Variants in CCDC60 observed in about 807,000 individuals in gnomAD.
The protein encoded by CCDC60 is coiled-coil domain-containing protein 60.
In CCDC60, 54 loss-of-function variants were observed where a neutral mutation model predicts 63.5. The observed-to-expected ratio is 0.85, with a 90% CI of 0.68 to 1.07. CCDC60 has a LOEUF of 1.07. Ranked by LOEUF, CCDC60 falls within the 50% of genes least tolerant of loss-of-function variation. CCDC60 has a pLI of 0.00. For synonymous variants in CCDC60, 206 were observed against 238.8 expected, an observed-to-expected ratio of 0.86 and a Z score of 1.27; for missense variants, 651 against 684.3, an observed-to-expected ratio of 0.95 and a Z score of 0.54.
intron 1 of CCDC60, among the ~76,000 whole-genome samples, chr12:119,391,162 C>G (rs2136197845): frequency 6.6e-6 from 1 of 152,352 alleles, no homozygotes; most frequent in Non-Finnish European, 1.5e-5. Flanking sequence ...ACCCACACGT[C>G]TCTGTGGCTA....
At chr12:119,522,835 C>T in intron 9 of CCDC60, 104 bp from the exon 10 acceptor site, 4 of 971,526 alleles carry the variant, frequency 4.1e-6, no homozygotes, top group Non-Finnish European at 6.7e-6. Flanking sequence ...AACCACCTCC[C>T]ATGCCTGAAT....
chr12:119,535,006 T>C (rs1828436001), intron 13 of CCDC60, among the ~76,000 whole-genome samples: 1 of 152,220 alleles, frequency 6.6e-6, no homozygotes. Context: ...CAGCTCCTCT[T>C]TGTACCTCTG....
At position 119,368,906 on chromosome 12, in the gene CCDC60, C is replaced by T. The variant is rs908720845; in HGVS notation, c.90+33640C>T. Among the ~76,000 whole-genome samples the T allele has an allele frequency of 5.3e-5, 8 of 152,160 alleles. No individual in the cohort carries two copies. In the East Asian group the frequency reaches 1.2e-3, roughly 22 times the overall value. On this transcript the variant is annotated intron_variant, in intron 1 of 13. Coordinates refer to ENST00000327554, the MANE Select transcript of CCDC60 (RefSeq NM_178499.5). Reference sequence around the variant, plus strand: ...TATGCTGGTGATAACCTGATCGTTTCGTAGTTCTTTTTCCCCTTTCCTCTT... The same window carrying T: ...TATGCTGGTGATAACCTGATCGTTTTGTAGTTCTTTTTCCCCTTTCCTCTT...
intron 7 of CCDC60, among the ~76,000 whole-genome samples, chr12:119,516,139 T>A (rs1412854424): frequency 1.3e-5 from 2 of 152,192 alleles, no homozygotes; most frequent in African/African-American, 4.8e-5. Context: ...AGAGTCTAAC[T>A]GTATCACCCA....
chr12:119,488,907 G>C (rs1566038040), intron 5 of CCDC60, 41 bp downstream of exon 5: 1 of 1,499,406 alleles, frequency 6.7e-7, no homozygotes, highest in South Asian at 1.1e-5. Flanking sequence ...CTAGCAGTAG[G>C]CTGGGCAGTG....
At chr12:119,386,903 G>C (rs1310110100) in intron 1 of CCDC60, among the ~76,000 whole-genome samples, 2 of 152,048 alleles carry the variant, frequency 1.3e-5, no homozygotes, top group African/African-American at 4.8e-5. Flanking sequence ...AGCCGGTGCT[G>C]GAAAACACAG....
At chr12:119,340,546 C>A (rs1215426351) in intron 1 of CCDC60, among the ~76,000 whole-genome samples, 3 of 152,030 alleles carry the variant, frequency 2.0e-5, no homozygotes, top group Non-Finnish European at 4.4e-5. Context: ...CCCCCACCAC[C>A]AAGTGATGAG....
chr12:119,344,115 T>C (rs916327239), intron 1 of CCDC60, among the ~76,000 whole-genome samples: 1 of 152,178 alleles, frequency 6.6e-6, no homozygotes, highest in African/African-American at 2.4e-5. Flanking sequence ...TTTGGCACTA[T>C]TGAACATTTG....
chr12:119,472,683 C>A (rs529602036), intron 3 of CCDC60, among the ~76,000 whole-genome samples: 2 of 149,692 alleles, frequency 1.3e-5, no homozygotes, highest in East Asian at 4.0e-4. Context: ...CAGGTTCAAG[C>A]GATTCTCCTG....
intron 4 of CCDC60, 86 bp from the exon 5 acceptor site, chr12:119,488,673 A>G: frequency 9.0e-7 from 1 of 1,116,682 alleles, no homozygotes; most frequent in East Asian, 2.4e-5. Context: ...ACTGGGAGCA[A>G]GTACCACTAC....
chr12:119,424,520 T>A (rs1174063695), intron 1 of CCDC60, among the ~76,000 whole-genome samples: 1 of 152,210 alleles, frequency 6.6e-6, no homozygotes, highest in East Asian at 1.9e-4. Flanking sequence ...ATAATTTCCT[T>A]GGCTGGGGCA....
Position 119,420,582 on chromosome 12 carries a change from TG to T in CCDC60, c.91-8095del, listed in dbSNP as rs1333750123. Among the ~76,000 whole-genome samples, 1 of 151,950 alleles carries T rather than the reference TG, an allele frequency of 6.6e-6. No homozygotes were observed. The highest frequency in any genetic ancestry group is 1.5e-5 in the Non-Finnish European group (1 of 67,988). ...AGAGGCTGGGAAGGATAGTGGGGGA[TG>T]GGGGGCAGAAGGTGGGAATGGCTAA... On this transcript the variant is annotated intron_variant, in intron 1 of 13. Coordinates refer to ENST00000327554, the MANE Select transcript of CCDC60 (RefSeq NM_178499.5). This position sits in a 1 kb window ranked among gnomAD's most constrained non-coding sequence, Gnocchi z 4.1.
chr12:119,502,236 A>C (rs1251331689), intron 6 of CCDC60, among the ~76,000 whole-genome samples: 1 of 152,168 alleles, frequency 6.6e-6, no homozygotes, highest in Non-Finnish European at 1.5e-5. Context: ...AGAGCTTATC[A>C]TTTTCAAAAG....
intron 4 of CCDC60, among the ~76,000 whole-genome samples, chr12:119,487,268 C>T (rs182017979): frequency 2.3e-4 from 34 of 150,072 alleles, no homozygotes; most frequent in South Asian, 4.2e-4. Context: ...GAGGTGGGAG[C>T]GGTATATTAC....
At chr12:119,489,277 C>T (rs569109799) in intron 5 of CCDC60, among the ~76,000 whole-genome samples, 16 of 152,306 alleles carry the variant, frequency 1.1e-4, no homozygotes, top group African/African-American at 3.4e-4. Context: ...TCCTCCTTTC[C>T]CTCCCTTTTA....
intron 8 of CCDC60, among the ~76,000 whole-genome samples, chr12:119,519,166 T>A (rs139933579): frequency 2.0e-5 from 3 of 152,200 alleles, no homozygotes; most frequent in African/African-American, 4.8e-5. Context: ...TCTGCTCCCA[T>A]CAAGGCTGAC....
intron 1 of CCDC60, among the ~76,000 whole-genome samples, chr12:119,384,064 C>T (rs946886080): frequency 1.3e-5 from 2 of 151,990 alleles, no homozygotes; most frequent in Admixed American, 6.6e-5. Flanking sequence ...GGCGTGGTGG[C>T]GGGCGCCTAT....
chr12:119,492,754 T>C (rs1951619681), intron 5 of CCDC60, among the ~76,000 whole-genome samples: 1 of 152,230 alleles, frequency 6.6e-6, no homozygotes, highest in Non-Finnish European at 1.5e-5. Context: ...GTTAAATGTG[T>C]TCCTGCCTCA....
At chr12:119,507,107 G>A (rs138042252) in intron 7 of CCDC60, among the ~76,000 whole-genome samples, 11 of 152,238 alleles carry the variant, frequency 7.2e-5, no homozygotes, top group Middle Eastern at 3.4e-3. Flanking sequence ...TGTGGCAGCC[G>A]AGGCTGGGCT....
Sources: allele counts gnomAD v4.1 joint callset (sites outside exome capture counted in the v4.1 genomes callset), GRCh38; gene constraint gnomAD v4.1.1; non-coding constraint Gnocchi (gnomAD v3.1); transcripts MANE v1.5; gene names NCBI Gene and HGNC (gene_info 2026-07-23, HGNC 2026-07-21).